Variants in KCNIP4 observed in about 807,000 individuals in gnomAD.
The protein encoded by KCNIP4 is Kv channel-interacting protein 4.
KCNIP4 carries 12 observed loss-of-function variants against 34.0 expected under a neutral mutation model. That is an observed-to-expected ratio of 0.35 (90% CI 0.23 to 0.57). The LOEUF (loss-of-function observed/expected upper bound fraction) is 0.57, where lower values mean the gene tolerates loss of function less well. Ranked by LOEUF, KCNIP4 falls within the 20% of genes least tolerant of loss-of-function variation. The probability of loss-of-function intolerance (pLI) is 0.83; values close to 1 mark genes in which losing one functional copy is unlikely to be tolerated. For synonymous variants in KCNIP4, 124 were observed against 102.2 expected (o/e 1.21, Z -1.29); for missense variants, 238 against 311.7 (o/e 0.76, Z 1.78).
At chr4:21,236,256 A>C (rs1275345910) in intron 1 of KCNIP4, among the ~76,000 whole-genome samples, 1 of 152,204 alleles carries the variant, frequency 6.6e-6, no homozygotes, top group African/African-American at 2.4e-5. Context: ...GAAGCAACCC[A>C]AAATAGGCAT....
At chr4:21,913,273 G>C (rs1282506133) in intron 1 of KCNIP4, among the ~76,000 whole-genome samples, 3 of 152,084 alleles carry the variant, frequency 2.0e-5, no homozygotes, top group Non-Finnish European at 4.4e-5. Context: ...CCAGGAGTTG[G>C]GGGCTGCAGT....
At position 21,648,556 on chromosome 4, in the gene KCNIP4, T is replaced by C. The variant is rs142418852; in HGVS notation, c.61+300015A>G. Among the ~76,000 whole-genome samples the C allele has an allele frequency of 1.3e-3, 195 of 152,268 alleles. 1 individual carries two copies. Among genetic ancestry groups the C allele is most frequent in the Non-Finnish European group, 1.4e-3 (92 of 68,022 alleles). On this transcript the variant is annotated intron_variant, in intron 1 of 8. Transcript: ENST00000382152. ...GAACTACCAGACACACCTTCCACAG[T>C]CTCAAGCTCTAAATCATAAATATGT...
At chr4:20,883,422 C>A (rs1214387883) in intron 1 of KCNIP4, among the ~76,000 whole-genome samples, 3 of 152,036 alleles carry the variant, frequency 2.0e-5, no homozygotes, top group Non-Finnish European at 2.9e-5. Flanking sequence ...ACAGCAGATA[C>A]CTGGAGATGA....
intron 1 of KCNIP4, among the ~76,000 whole-genome samples, chr4:21,392,392 A>G (rs934918231): frequency 2.0e-5 from 3 of 152,226 alleles, no homozygotes; most frequent in African/African-American, 4.8e-5. Context: ...TCCAATTACC[A>G]TTAGTAAACT....
chr4:21,757,215 G>T (rs1187825529), intron 1 of KCNIP4, among the ~76,000 whole-genome samples: 1 of 20,438 alleles, frequency 4.9e-5, no homozygotes, highest in East Asian at 7.1e-4. Flanking sequence ...AAGAAAGAAA[G>T]AAAGAAAGAA....
Position 21,420,590 on chromosome 4 carries a change from C to T in KCNIP4, c.61+527981G>A, listed in dbSNP as rs116969554. 4.5e-3 allele frequency among the ~76,000 whole-genome samples: 689 copies of T among 152,316 alleles called. 14 individuals are homozygous for T. In the East Asian group the frequency reaches 0.05, roughly 11 times the overall value. ...GTGTTCTTTATCATTTCCTGACACT[C>T]TACCCTCTGTTTCATACATCTTTCC... On this transcript the variant is annotated intron_variant, in intron 1 of 8. Transcript: ENST00000382152.
intron 1 of KCNIP4, among the ~76,000 whole-genome samples, chr4:21,399,137 G>A (rs183518605): frequency 9.8e-5 from 15 of 152,326 alleles, no homozygotes; most frequent in Middle Eastern, 3.4e-3. Context: ...GGGAACTACT[G>A]TCCCACCACA....
intron 1 of KCNIP4, among the ~76,000 whole-genome samples, chr4:21,821,574 T>A (rs1350142378): frequency 6.6e-6 from 1 of 152,156 alleles, no homozygotes; most frequent in Non-Finnish European, 1.5e-5. Context: ...TTAGCAAACC[T>A]GAGAATACAT....
intron 1 of KCNIP4, among the ~76,000 whole-genome samples, chr4:21,896,846 G>A (rs1365591593): frequency 6.6e-6 from 1 of 151,914 alleles, no homozygotes; most frequent in African/African-American, 2.4e-5. Flanking sequence ...TTGAACCCGG[G>A]AGATGGAGGG....
chr4:21,625,275 G>C (rs1745247589), intron 1 of KCNIP4, among the ~76,000 whole-genome samples: 2 of 151,972 alleles, frequency 1.3e-5, no homozygotes, highest in Admixed American at 6.6e-5. Context: ...CCTCCATAGG[G>C]TATGCTGAAT....
intron 1 of KCNIP4, among the ~76,000 whole-genome samples, chr4:21,512,170 G>GAGGA (rs1180854218): frequency 2.3e-5 from 3 of 127,704 alleles, no homozygotes; most frequent in African/African-American, 6.3e-5. Flanking sequence ...GGGAGGGAGG[G>GAGGA]AGGAAGGAAG....
intron 1 of KCNIP4, among the ~76,000 whole-genome samples, chr4:20,996,419 A>G (rs1161557973): frequency 6.6e-6 from 1 of 152,186 alleles, no homozygotes; most frequent in African/African-American, 2.4e-5. Context: ...ATTCAGACCA[A>G]TGTAATCCTG....
chr4:21,672,609 T>C (rs1442841058), intron 1 of KCNIP4, among the ~76,000 whole-genome samples: 4 of 152,258 alleles, frequency 2.6e-5, no homozygotes, highest in African/African-American at 4.8e-5. Context: ...TTCTTCTGTC[T>C]AGTTCAGATA....
chr4:20,857,059 A>C (rs894441702), intron 2 of KCNIP4, among the ~76,000 whole-genome samples: 3 of 151,672 alleles, frequency 2.0e-5, no homozygotes, highest in African/African-American at 7.3e-5. Flanking sequence ...AAAAAAAAAA[A>C]ACGCCCTTGA....
At chr4:21,407,136 T>C (rs1724063030) in intron 1 of KCNIP4, among the ~76,000 whole-genome samples, 1 of 152,006 alleles carries the variant, frequency 6.6e-6, no homozygotes, top group African/African-American at 2.4e-5. Context: ...TTTACTGCCT[T>C]CTAGCAAGAT....
intron 3 of KCNIP4, among the ~76,000 whole-genome samples, chr4:20,812,651 T>C (rs905341208): frequency 1.3e-5 from 2 of 152,168 alleles, no homozygotes; most frequent in Non-Finnish European, 2.9e-5. Context: ...GGTTTGGGGA[T>C]GGGCAAGTGA....
chr4:21,319,691 C>A (rs551060408), intron 1 of KCNIP4, among the ~76,000 whole-genome samples: 24 of 152,160 alleles, frequency 1.6e-4, no homozygotes, highest in Non-Finnish European at 2.6e-4. Context: ...CTCCTGGCCA[C>A]CCTACACAGA....
chr4:21,850,450 TAAG>T (rs1338300021), intron 1 of KCNIP4: 1 of 152,040 alleles, frequency 6.6e-6, no homozygotes, highest in Admixed American at 6.6e-5. Flanking sequence ...AGTGGCTTCA[TAAG>T]AAGAGGAAGA....
intron 1 of KCNIP4, among the ~76,000 whole-genome samples, chr4:21,271,857 A>G (rs796604019): frequency 5.3e-5 from 8 of 152,324 alleles, no homozygotes; most frequent in African/African-American, 1.9e-4. Context: ...GGGAAAGCAA[A>G]TCATTACCAA....
Sources: gnomAD v4.1 joint callset for allele counts (sites outside exome capture counted in the v4.1 genomes callset) on GRCh38, gnomAD v4.1.1 for gene constraint, MANE v1.5 for transcripts, NCBI Gene and HGNC (gene_info 2026-07-23, HGNC 2026-07-21) for gene names.